Variants in NFAT5 observed in about 807,000 individuals in gnomAD.
NFAT5 encodes nuclear factor of activated T-cells 5.
Under a neutral mutation model 166.5 loss-of-function variants are expected in NFAT5, and 31 were observed. The ratio of observed to expected loss-of-function variants is 0.19; its 90% CI spans 0.14 to 0.25. The LOEUF (loss-of-function observed/expected upper bound fraction) is 0.25, where lower values mean the gene tolerates loss of function less well. Ranked by LOEUF, NFAT5 falls within the 10% of genes least tolerant of loss-of-function variation. The pLI, the probability that NFAT5 is intolerant of heterozygous loss-of-function variation, is 1.00. For synonymous variants in NFAT5, 612 were observed against 639.7 expected (o/e 0.96, Z 0.65); for missense variants, 1,449 against 1,821.8 (o/e 0.80, Z 3.72).
intron 3 of NFAT5, among the ~76,000 whole-genome samples, chr16:69,631,357 G>A (rs574431234): frequency 1.9e-4 from 29 of 152,148 alleles, no homozygotes; most frequent in African/African-American, 7.0e-4. Flanking sequence ...CTTGAACTCG[G>A]GTGGCAGAGG....
chr16:69,594,462 T>C (rs1044422630), intron 2 of NFAT5, among the ~76,000 whole-genome samples: 5 of 152,210 alleles, frequency 3.3e-5, no homozygotes, highest in African/African-American at 1.2e-4. Context: ...GTATCTTTTA[T>C]ATGGAAACCC....
At chr16:69,575,621 A>AAAT (rs921623188) in intron 2 of NFAT5, among the ~76,000 whole-genome samples, 2 of 151,824 alleles carry the variant, frequency 1.3e-5, no homozygotes, top group African/African-American at 2.4e-5. Context: ...CTGTCTTAAA[A>AAAT]AATAATAATA....
chr16:69,573,365 T>G (rs1334786141), intron 2 of NFAT5, among the ~76,000 whole-genome samples: 2 of 152,198 alleles, frequency 1.3e-5, no homozygotes, highest in Non-Finnish European at 2.9e-5. Context: ...GATTTATATT[T>G]CTTCCTAGGG....
At chr16:69,638,422 T>G (rs1276788306) in intron 3 of NFAT5, among the ~76,000 whole-genome samples, 1 of 151,458 alleles carries the variant, frequency 6.6e-6, no homozygotes, top group Non-Finnish European at 1.5e-5. Flanking sequence ...TTATTATTGT[T>G]TAATCATATC....
chr16:69,608,208 T>G (rs1221121782), intron 2 of NFAT5, among the ~76,000 whole-genome samples: 1 of 151,886 alleles, frequency 6.6e-6, no homozygotes, highest in Non-Finnish European at 1.5e-5. Context: ...ATATAAAAAA[T>G]TAGCCGGGTG....
chr16:69,627,196 A>G (rs2034497068), intron 3 of NFAT5, among the ~76,000 whole-genome samples: 4 of 151,160 alleles, frequency 2.6e-5, no homozygotes, highest in Admixed American at 2.6e-4. Context: ...AAAATAAAAG[A>G]TAGACAAGCT....
intron 2 of NFAT5, among the ~76,000 whole-genome samples, chr16:69,573,024 G>A (rs554798517): frequency 4.6e-5 from 7 of 152,166 alleles, no homozygotes; most frequent in African/African-American, 1.4e-4. Flanking sequence ...TGTATTTTTA[G>A]TAGAGACAGG....
intron 3 of NFAT5, among the ~76,000 whole-genome samples, chr16:69,639,356 A>ACT (rs1449695244): frequency 6.6e-6 from 1 of 152,134 alleles, no homozygotes; most frequent in African/African-American, 2.4e-5. Context: ...TTCAGGGAGC[A>ACT]CTCTTTAGTA....
At position 69,691,731 on chromosome 16, in the gene NFAT5, G is replaced by A. The variant is rs770030383; in HGVS notation, c.1924-18G>A. The A allele has an allele frequency of 2.5e-6, 4 of 1,572,686 alleles. No individual in the cohort carries two copies. The Admixed American group carries it at 7.7e-5, about 30-fold the overall frequency. On this transcript the variant is annotated intron_variant, in intron 12 of 14. Transcript: ENST00000349945. ...AATGTTTATATATTCATAATATTTG[G>A]GGATTTTTATTTTTTAGACTACAAA...
intron 3 of NFAT5, among the ~76,000 whole-genome samples, chr16:69,643,217 CAAAAAA>C (rs34260614): frequency 1.1e-5 from 1 of 88,862 alleles, no homozygotes; most frequent in African/African-American, 4.3e-5. Context: ...GAGTCCCTCT[CAAAAAA>C]AAAAAAAAAA....
At chr16:69,649,440 C>T in intron 4 of NFAT5, 1 of 984,414 alleles carries the variant, frequency 1.0e-6, no homozygotes, top group Non-Finnish European at 1.2e-6. Flanking sequence ...TGTATGATAG[C>T]TATATCTTAG....
intron 4 of NFAT5, chr16:69,649,020 G>A (rs1042177067): frequency 1.3e-5 from 12 of 940,636 alleles, no homozygotes; most frequent in Non-Finnish European, 1.4e-5. Context: ...TTCAGTTTTA[G>A]AAAGTCCAGT....
chr16:69,662,520 C>T (rs978977966), intron 7 of NFAT5, among the ~76,000 whole-genome samples: 2 of 131,528 alleles, frequency 1.5e-5, no homozygotes, highest in African/African-American at 5.7e-5. Context: ...GCAGTGGCAT[C>T]ATGATCTCTG....
Position 69,700,418 on chromosome 16 carries a change from G to A in NFAT5, c.*4067G>A, listed in dbSNP as rs148749657. 322 of 152,208 alleles carry A rather than the reference G, an allele frequency of 2.1e-3. 3 individuals carry two copies. The highest frequency in any genetic ancestry group is 7.3e-3 in the African/African-American group (303 of 41,526). 9.4% of individuals were successfully genotyped at this position (152,208 alleles called of 1,614,324 possible). On this transcript the variant is annotated 3_prime_UTR_variant, in exon 15 of 15. Transcript: ENST00000349945. The stretch of plus-strand genomic sequence containing the variant: ...TGACCATTTAAGCCTTTATAAATGC[G>A]TTTTGACCATTTAAGCCTTTATAAA...
chr16:69,695,635 C>T (rs928398540), intron 14 of NFAT5: 28 of 295,514 alleles, frequency 9.5e-5, no homozygotes, highest in Non-Finnish European at 1.3e-4. Context: ...CGAGGTCAGG[C>T]GATCGAGACC....
At chr16:69,613,246 G>A (rs2033786636) in intron 2 of NFAT5, among the ~76,000 whole-genome samples, 1 of 152,084 alleles carries the variant, frequency 6.6e-6, no homozygotes, top group Non-Finnish European at 1.5e-5. Context: ...CCTTGGTTCA[G>A]GATTTCATTA....
chr16:69,691,911 A>G lies in NFAT5; in HGVS notation c.2086A>G (p.Ile696Val), dbSNP rs1360098649. 5.6e-6 allele frequency: 9 copies of G among 1,614,052 alleles called. No homozygotes were observed. The African/African-American group carries it at 8.0e-5, about 14-fold the overall frequency. ...KAYNPETLTT[I>V]QTQDISQPGT... is the part of the protein sequence containing the mutation. The stretch of plus-strand genomic sequence containing the variant: ...ATACAACCCAGAGACCCTGACAACT[A>G]TTCAAACCCAGGACATCTCACAGCC... Residue 696 changes from isoleucine (I) to valine (V), a missense_variant, in exon 13 of 15, where the codon ATT becomes GTT. Coordinates refer to ENST00000349945, the MANE Select transcript of NFAT5 (RefSeq NM_138713.4).
intron 7 of NFAT5, among the ~76,000 whole-genome samples, chr16:69,669,578 A>G (rs1037989212): frequency 1.6e-4 from 24 of 152,242 alleles, no homozygotes; most frequent in Non-Finnish European, 3.4e-4. Flanking sequence ...TGGATTAGGG[A>G]TGCTCAACCT....
intron 2 of NFAT5, among the ~76,000 whole-genome samples, chr16:69,596,176 T>C (rs1489580998): frequency 1.3e-5 from 2 of 152,212 alleles, no homozygotes; most frequent in Non-Finnish European, 2.9e-5. Flanking sequence ...CTTGTAACTT[T>C]AGTAGGCTGA....
Sources: gnomAD v4.1 joint callset for allele counts (sites outside exome capture counted in the v4.1 genomes callset) on GRCh38, gnomAD v4.1.1 for gene constraint, MANE v1.5 for transcripts, NCBI Gene and HGNC (gene_info 2026-07-23, HGNC 2026-07-21) for gene names.